The following ARHGEF3 variants were observed in gnomAD, a reference collection of about 807,000 sequenced individuals.
ARHGEF3 encodes Rho guanine nucleotide exchange factor 3, also known as 59.8 kDA protein.
Under a neutral mutation model 63.2 loss-of-function variants are expected in ARHGEF3, and 28 were observed. The observed-to-expected ratio is 0.44, with a 90% CI of 0.33 to 0.61. ARHGEF3 has a LOEUF of 0.61. ARHGEF3 is among the 20% of genes least tolerant of loss of function. The pLI is 0.03. For missense variants in ARHGEF3, 533 were observed against 659.3 expected (o/e 0.81, Z 2.10); for synonymous variants, 266 against 254.2 (o/e 1.05, Z -0.44).
intron 3 of ARHGEF3, among the ~76,000 whole-genome samples, chr3:56,921,960 A>G (rs4681714): frequency 0.98 from 148,531 of 152,332 alleles, 72,534 homozygotes; most frequent in Middle Eastern, 1. Flanking sequence ...GTTTTGTTAC[A>G]AGCAATCGCC....
At chr3:56,881,673 T>A (rs1289364452) in intron 4 of ARHGEF3, among the ~76,000 whole-genome samples, 1 of 152,216 alleles carries the variant, frequency 6.6e-6, no homozygotes, top group Non-Finnish European at 1.5e-5. Context: ...GGCAAATATT[T>A]GGTGGGTGCC....
chr3:56,945,636 C>T (rs1699451311), intron 3 of ARHGEF3, among the ~76,000 whole-genome samples: 1 of 152,196 alleles, frequency 6.6e-6, no homozygotes, highest in Non-Finnish European at 1.5e-5. Flanking sequence ...CCAGGAAGCT[C>T]GAACTGGGTG....
intron 2 of ARHGEF3, among the ~76,000 whole-genome samples, chr3:56,992,390 A>C (rs13073499): frequency 1.8e-5 from 2 of 108,970 alleles, no homozygotes; most frequent in African/African-American, 9.8e-5. Flanking sequence ...AAAAAAAAAA[A>C]AAAAAAAAAA....
chr3:56,766,660 A>G (rs1473422983), intron 2 of ARHGEF3, among the ~76,000 whole-genome samples: 1 of 152,234 alleles, frequency 6.6e-6, no homozygotes, highest in Admixed American at 6.5e-5. Flanking sequence ...CCCTGGGAAG[A>G]GCTATCTTGA....
At chr3:56,796,059 C>G (rs4681888) in intron 1 of ARHGEF3, among the ~76,000 whole-genome samples, 2 of 151,798 alleles carry the variant, frequency 1.3e-5, no homozygotes, top group African/African-American at 2.4e-5. Flanking sequence ...TAAATGGCAA[C>G]GCAGTCACGG....
At chr3:56,889,867 G>C (rs2041055725) in intron 3 of ARHGEF3, among the ~76,000 whole-genome samples, 1 of 152,130 alleles carries the variant, frequency 6.6e-6, no homozygotes, top group Admixed American at 6.5e-5. Context: ...TTTGAGACCA[G>C]CCTGGCCAAC....
At chr3:56,997,509 C>T (rs572113549) in intron 2 of ARHGEF3, among the ~76,000 whole-genome samples, 2 of 152,280 alleles carry the variant, frequency 1.3e-5, no homozygotes, top group East Asian at 3.9e-4. Flanking sequence ...AGCTTAGCAG[C>T]AGGCTTGCCT....
In ARHGEF3 at chr3:56,793,170, A is replaced by ATTT. The variant is rs34139761; in HGVS notation, c.96+8530_96+8532dup. On this transcript the variant is annotated intron_variant, in intron 1 of 9. Transcript: ENST00000296315. ...AGGCTCCCGCCACCAGGCCCAGATA[A>ATTT]TTTTTTTTTTTTTTTTTGAGATGGA... Among the ~76,000 whole-genome samples, 43 of 132,140 alleles carry ATTT rather than the reference A, an allele frequency of 3.3e-4. No individual in the cohort carries two copies. The South Asian group carries it at 3.8e-3, about 12-fold the overall frequency. 86.7% of individuals were successfully genotyped at this position (132,140 alleles called of 152,430 possible). A position where few individuals can be genotyped will look rare whatever the true frequency, so the allele number is the denominator to read the frequency against.
At chr3:56,873,689 T>C (rs1358641894) in intron 4 of ARHGEF3, among the ~76,000 whole-genome samples, 2 of 152,156 alleles carry the variant, frequency 1.3e-5, no homozygotes, top group Non-Finnish European at 2.9e-5. Flanking sequence ...GGATTACAGG[T>C]GTGAGCCACC....
At chr3:56,957,544 A>G (rs1700096477) in intron 3 of ARHGEF3, among the ~76,000 whole-genome samples, 1 of 152,232 alleles carries the variant, frequency 6.6e-6, no homozygotes, top group Admixed American at 6.5e-5. Context: ...AGTGAACAAG[A>G]GAGAAAGACA....
intron 4 of ARHGEF3, among the ~76,000 whole-genome samples, chr3:56,858,243 CAAAAA>C (rs10543472): frequency 3.0e-4 from 26 of 88,062 alleles, no homozygotes; most frequent in Admixed American, 5.3e-4. Flanking sequence ...GACCCTGTCT[CAAAAA>C]AAAAAAAAAA....
At chr3:56,802,271 C>G (rs1458849734), upstream of ARHGEF3, among the ~76,000 whole-genome samples, 1 of 152,096 alleles carries the variant, frequency 6.6e-6, no homozygotes, top group African/African-American at 2.4e-5. Flanking sequence ...TGGGGCGAAA[C>G]CGGGCAACGG....
chr3:56,761,824 G>T (rs568481572), intron 2 of ARHGEF3, among the ~76,000 whole-genome samples: 1 of 152,132 alleles, frequency 6.6e-6, no homozygotes. Context: ...GACAATCCAA[G>T]TCTGGTCTAT....
At chr3:56,753,184 A>G (rs2034877428) in intron 4 of ARHGEF3, among the ~76,000 whole-genome samples, 2 of 152,238 alleles carry the variant, frequency 1.3e-5, no homozygotes, top group Non-Finnish European at 2.9e-5. Flanking sequence ...ATTCTCTCCT[A>G]TGGGCAAAGA....
intron 3 of ARHGEF3, among the ~76,000 whole-genome samples, chr3:56,938,087 G>A (rs1698987730): frequency 6.6e-6 from 1 of 152,180 alleles, no homozygotes; most frequent in African/African-American, 2.4e-5. Flanking sequence ...GGTGCTGGTG[G>A]TCCTTGCTGC....
chr3:56,897,399 TGGA>T (rs1483092228), intron 3 of ARHGEF3, among the ~76,000 whole-genome samples: 2 of 152,174 alleles, frequency 1.3e-5, no homozygotes, highest in Non-Finnish European at 2.9e-5. Flanking sequence ...TTCCCTTTAG[TGGA>T]GGAGTATTTA....
chr3:56,902,594 C>T (rs1219398376), intron 3 of ARHGEF3, among the ~76,000 whole-genome samples: 1 of 152,110 alleles, frequency 6.6e-6, no homozygotes, highest in Non-Finnish European at 1.5e-5. Flanking sequence ...AATGTGGGGC[C>T]CTTTGTCCAA....
At chr3:56,743,126 A>G (rs2034149309) in intron 7 of ARHGEF3, among the ~76,000 whole-genome samples, 1 of 152,246 alleles carries the variant, frequency 6.6e-6, no homozygotes, top group Admixed American at 6.5e-5. Flanking sequence ...TAATAAAAAC[A>G]GACATGATGA....
chr3:57,052,458 G>A (rs1407633384), intron 1 of ARHGEF3, among the ~76,000 whole-genome samples: 12 of 152,054 alleles, frequency 7.9e-5, no homozygotes, highest in Admixed American at 2.6e-4. Flanking sequence ...CACCATGCCC[G>A]GCTAATTTTT....
Sources: gnomAD v4.1 joint callset for allele counts (sites outside exome capture counted in the v4.1 genomes callset) on GRCh38, gnomAD v4.1.1 for gene constraint, MANE v1.5 for transcripts, NCBI Gene and HGNC (gene_info 2026-07-23, HGNC 2026-07-21) for gene names.